Variants in GUCY1A2 observed in about 807,000 individuals in gnomAD.
The protein encoded by GUCY1A2 is guanylate cyclase soluble subunit alpha-2.
Under a neutral mutation model 63.5 loss-of-function variants are expected in GUCY1A2, and 27 were observed. The observed-to-expected ratio is 0.43, with a 90% CI of 0.31 to 0.59. The LOEUF (loss-of-function observed/expected upper bound fraction) is 0.59. Among genes scored for constraint, GUCY1A2 ranks in the 20% least tolerant of loss-of-function variants. The probability of loss-of-function intolerance (pLI) is 0.11; values close to 1 mark genes in which losing one functional copy is unlikely to be tolerated. For missense variants in GUCY1A2, 768 were observed against 913.3 expected, an observed-to-expected ratio of 0.84 and a Z score of 2.05; for synonymous variants, 364 against 343.5, an observed-to-expected ratio of 1.06 and a Z score of -0.66.
chr11:106,833,692 T>G (rs1188548756), intron 4 of GUCY1A2, among the ~76,000 whole-genome samples: 2 of 152,120 alleles, frequency 1.3e-5, no homozygotes, highest in Non-Finnish European at 2.9e-5. Flanking sequence ...ATTAATGGAA[T>G]GGTTAACTTA....
chr11:106,771,907 A>G (rs1295690944), intron 6 of GUCY1A2, among the ~76,000 whole-genome samples: 4 of 152,202 alleles, frequency 2.6e-5, no homozygotes, highest in African/African-American at 9.7e-5. Context: ...AGCAGTTCTA[A>G]TTAAAGTCAA....
chr11:106,936,263 A>T (rs72992500), intron 4 of GUCY1A2, among the ~76,000 whole-genome samples: 17,800 of 152,296 alleles, frequency 0.12, 1,390 homozygotes, highest in Middle Eastern at 0.21. Flanking sequence ...TCTCAAATTT[A>T]CCACAATGTC....
chr11:106,942,286 C>A (rs149817419), intron 3 of GUCY1A2, among the ~76,000 whole-genome samples: 2 of 152,290 alleles, frequency 1.3e-5, no homozygotes, highest in African/African-American at 4.8e-5. Context: ...AAACCATACT[C>A]TCCTGGTTTG....
intron 4 of GUCY1A2, among the ~76,000 whole-genome samples, chr11:106,892,104 T>A (rs1439700651): frequency 6.6e-6 from 1 of 152,138 alleles, no homozygotes; most frequent in Non-Finnish European, 1.5e-5. Flanking sequence ...CTTGAACATC[T>A]ATTATTTTAG....
rs546296105 is a variant in GUCY1A2 at position 106,709,333 on chromosome 11, A to AAC, written c.1837-668_1837-667insGT. ...TATATATATTTATATATATTATATA[A>AAC]ATATATATAAATTTATATATTTTAT... On this transcript the variant is annotated intron_variant, in intron 6 of 7. Coordinates refer to ENST00000526355, the MANE Select transcript of GUCY1A2 (RefSeq NM_000855.3). Among the ~76,000 whole-genome samples the AAC allele has an allele frequency of 3.1e-5, 3 of 96,462 alleles. No individual in the cohort carries two copies. The East Asian group carries it at 7.9e-4, about 25-fold the overall frequency. 63.3% of individuals were successfully genotyped at this position (96,462 alleles called of 152,430 possible).
At chr11:106,911,852 G>A (rs748490762) in intron 4 of GUCY1A2, among the ~76,000 whole-genome samples, 3 of 151,912 alleles carry the variant, frequency 2.0e-5, no homozygotes, top group Non-Finnish European at 4.4e-5. Flanking sequence ...CAAAGTTATG[G>A]TACATATTTA....
Position 106,678,152 on chromosome 11 carries a change from T to C in GUCY1A2, c.*9397A>G, listed in dbSNP as rs1862376660. 1 of 196,996 alleles carries C rather than the reference T, an allele frequency of 5.1e-6. No homozygotes were observed. The highest frequency in any genetic ancestry group is 1.8e-3 in the Middle Eastern group (1 of 554). 12.2% of individuals were successfully genotyped at this position (196,996 alleles called of 1,614,324 possible). ...AAAAGTCCCCCTGAATTACTTTAGATAATTATACAGTCCTCTAGTTTATCT... is the reference window on the plus strand; with the variant it reads ...AAAAGTCCCCCTGAATTACTTTAGACAATTATACAGTCCTCTAGTTTATCT... On this transcript the variant is annotated 3_prime_UTR_variant, in exon 8 of 8. Coordinates refer to ENST00000526355, the MANE Select transcript of GUCY1A2 (RefSeq NM_000855.3).
At chr11:106,802,035 CTGTTAT>C (rs1858610875) in intron 5 of GUCY1A2, among the ~76,000 whole-genome samples, 1 of 152,116 alleles carries the variant, frequency 6.6e-6, no homozygotes, top group African/African-American at 2.4e-5. Context: ...TTTTAAATCA[CTGTTAT>C]TAAGTGATAA....
intron 4 of GUCY1A2, among the ~76,000 whole-genome samples, chr11:106,933,984 T>C (rs1281730886): frequency 3.3e-5 from 5 of 152,210 alleles, no homozygotes; most frequent in East Asian, 3.9e-4. Flanking sequence ...TGAAAAACTA[T>C]TGGGCACTAT....
intron 3 of GUCY1A2, among the ~76,000 whole-genome samples, chr11:106,970,134 A>C (rs1009174951): frequency 2.0e-5 from 3 of 152,184 alleles, no homozygotes; most frequent in Admixed American, 2.0e-4. Flanking sequence ...TAACTCAGGC[A>C]AGCTGGGGGT....
chr11:106,916,514 T>G (rs1022237231), intron 4 of GUCY1A2, among the ~76,000 whole-genome samples: 1 of 145,308 alleles, frequency 6.9e-6, no homozygotes, highest in Admixed American at 6.9e-5. Flanking sequence ...ATGGAAGAGA[T>G]TTCAAGATAT....
At chr11:106,846,597 A>T (rs1859276830) in intron 4 of GUCY1A2, among the ~76,000 whole-genome samples, 1 of 151,586 alleles carries the variant, frequency 6.6e-6, no homozygotes, top group Non-Finnish European at 1.5e-5. Flanking sequence ...CAATACGGAG[A>T]TCTTCAGGGG....
chr11:106,690,879 T>C (rs188940055), intron 7 of GUCY1A2, among the ~76,000 whole-genome samples: 18 of 152,294 alleles, frequency 1.2e-4, no homozygotes, highest in African/African-American at 3.8e-4. Context: ...CTACGTAAGA[T>C]AGCTCTCCAT....
intron 4 of GUCY1A2, among the ~76,000 whole-genome samples, chr11:106,891,538 G>A (rs1419454616): frequency 6.6e-6 from 1 of 151,980 alleles, no homozygotes; most frequent in Non-Finnish European, 1.5e-5. Flanking sequence ...AAGATATTTT[G>A]TGATTTGCTC....
At chr11:106,695,984 A>T (rs1555019962) in intron 7 of GUCY1A2, among the ~76,000 whole-genome samples, 2 of 151,994 alleles carry the variant, frequency 1.3e-5, no homozygotes, top group Non-Finnish European at 2.9e-5. Flanking sequence ...CTTCAGCGAC[A>T]CCCCTGCACA....
chr11:106,953,762 T>C (rs1184357852), intron 3 of GUCY1A2, among the ~76,000 whole-genome samples: 2 of 152,088 alleles, frequency 1.3e-5, no homozygotes, highest in Non-Finnish European at 1.5e-5. Context: ...AGGGTGTATG[T>C]GTCCAGGAAT....
rs908077886 is a variant in GUCY1A2 at position 106,765,659 on chromosome 11, C to T, written c.1836+10780G>A. Among the ~76,000 whole-genome samples, 3 of 152,110 alleles carry T rather than the reference C, an allele frequency of 2.0e-5. No homozygotes were observed. In the East Asian group the frequency reaches 5.8e-4, roughly 29 times the overall value. On this transcript the variant is annotated intron_variant, in intron 6 of 7. Transcript: ENST00000526355. ...AGTAAGCCTTTTCTCCCCTGGGACACCCCATGCATACTCCGGACCTGTGTT... is the reference window on the plus strand; with the variant it reads ...AGTAAGCCTTTTCTCCCCTGGGACATCCCATGCATACTCCGGACCTGTGTT...
At chr11:107,011,052 A>C (rs1861736865) in intron 1 of GUCY1A2, among the ~76,000 whole-genome samples, 1 of 152,078 alleles carries the variant, frequency 6.6e-6, no homozygotes, top group South Asian at 2.1e-4. Flanking sequence ...TTATTGAACA[A>C]CCATACTATG....
chr11:106,707,184 T>C (rs942487681), intron 7 of GUCY1A2, among the ~76,000 whole-genome samples: 1 of 152,102 alleles, frequency 6.6e-6, no homozygotes, highest in African/African-American at 2.4e-5. Flanking sequence ...GCACTTTCTC[T>C]TAATTTTATA....
Sources: gnomAD v4.1 joint callset for allele counts (sites outside exome capture counted in the v4.1 genomes callset) on GRCh38, gnomAD v4.1.1 for gene constraint, MANE v1.5 for transcripts, NCBI Gene and HGNC (gene_info 2026-07-23, HGNC 2026-07-21) for gene names.